Variants in SPEN observed in about 807,000 individuals in gnomAD.
SPEN encodes msx2-interacting protein.
Under a neutral mutation model 269.9 loss-of-function variants are expected in SPEN, and 18 were observed. That is an observed-to-expected ratio of 0.07 (90% CI 0.05 to 0.10). SPEN has a LOEUF of 0.10. SPEN is among the 10% of genes least tolerant of loss of function. SPEN has a pLI of 1.00. For missense variants in SPEN, 3,822 were observed against 4,631.2 expected (o/e 0.83, Z 5.07); for synonymous variants, 1,726 against 1,765.7 (o/e 0.98, Z 0.56).
chr1:15,890,937 C>G (rs1557745167), intron 3 of SPEN, among the ~76,000 whole-genome samples: 3 of 152,110 alleles, frequency 2.0e-5, no homozygotes, highest in African/African-American at 7.2e-5. Context: ...TAGCATTGAT[C>G]AGTACTGGTG....
Position 15,876,145 on chromosome 1 carries a change from G to A in SPEN, c.405-57G>A, listed in dbSNP as rs2070628268. Reference sequence around the variant, plus strand: ...GCTGAAGTGAATGTTTGCATGACTTGCTTTTAGTTTTGCTTGCTCCTTTCT... The same window carrying A: ...GCTGAAGTGAATGTTTGCATGACTTACTTTTAGTTTTGCTTGCTCCTTTCT... On this transcript the variant is annotated intron_variant, in intron 2 of 14. Coordinates refer to ENST00000375759, the MANE Select transcript of SPEN (RefSeq NM_015001.3). 2.9e-5 allele frequency: 39 copies of A among 1,345,048 alleles called. No homozygotes were observed. The South Asian group carries it at 4.7e-4, about 16-fold the overall frequency. 83.3% of individuals were successfully genotyped at this position (1,345,048 alleles called of 1,614,324 possible).
At position 15,859,903 on chromosome 1, in the gene SPEN, A is replaced by ATTTTTTTT. The variant is rs1557734352; in HGVS notation, c.83+11754_83+11755insTTTTTTTT. ...TAAGTATAAAGAATGATCAGTTAAC[A>ATTTTTTTT]TCTTTTTTTTTTTTTTTTTTTTTTT... On this transcript the variant is annotated intron_variant, in intron 1 of 14. Coordinates refer to ENST00000375759, the MANE Select transcript of SPEN (RefSeq NM_015001.3). Among the ~76,000 whole-genome samples the ATTTTTTTT allele has an allele frequency of 2.7e-4, 16 of 59,316 alleles. 1 individual carries two copies. The highest frequency in any genetic ancestry group is 4.8e-4 in the African/African-American group (6 of 12,488). The allele number at this position is 59,316 out of a possible 152,430, so 38.9% of individuals were successfully genotyped here.
At position 15,916,228 on chromosome 1, in the gene SPEN, C is replaced by A. The variant is rs147743285; in HGVS notation, c.1344C>A (p.Thr448=). The A allele has an allele frequency of 7.4e-6, 12 of 1,613,878 alleles. No individual in the cohort carries two copies. The South Asian group carries it at 1.3e-4, about 18-fold the overall frequency. Reference sequence around the variant, plus strand: ...TCTTTATTGGCAACCTTGAAAAAACCACTACTTACCATGACCTTCGCAACA... The same window carrying A: ...TCTTTATTGGCAACCTTGAAAAAACAACTACTTACCATGACCTTCGCAACA... The part of the protein sequence containing the change: ...RTLFIGNLEK[T]TTYHDLRNIF... Residue 448 remains threonine, a synonymous_variant, in exon 6 of 15, where the codon ACC becomes ACA. Coordinates refer to ENST00000375759, the MANE Select transcript of SPEN (RefSeq NM_015001.3).
intron 3 of SPEN, among the ~76,000 whole-genome samples, chr1:15,900,170 TA>T (rs1293118962): frequency 6.6e-6 from 1 of 152,198 alleles, no homozygotes; most frequent in Non-Finnish European, 1.5e-5. Flanking sequence ...TAAACGAAAT[TA>T]AAAATGTCTT....
rs1481024603 is a variant in SPEN, at chr1:15,935,602, G to A, written c.9362G>A (p.Arg3121Gln). Residue 3121 changes from arginine to glutamine, a missense_variant, in exon 11 of 15, where the codon CGG (arginine) becomes CAG (glutamine). This residue lies in a region of SPEN where 153 missense variants were observed against 228.5 expected (regional missense o/e 0.67). Transcript: ENST00000375759. The surrounding 1 kb of genome is among the most constrained non-coding windows in gnomAD (Gnocchi z 7.7). ...CGGCCAGAAGCGCTTCACTCTCCTC[G>A]GGCTCCGCTGCAGCCCCAGCAAATA... Reference protein sequence around the residue: ...SIRPEALHSPRAPLQPQQIEV... With the variant: ...SIRPEALHSPQAPLQPQQIEV... The A allele has an allele frequency of 2.5e-6, 4 of 1,614,058 alleles. No individual in the cohort carries two copies. Among genetic ancestry groups the A allele is most frequent in the Admixed American group, 3.3e-5 (2 of 60,020 alleles).
rs1221269029 is a variant in SPEN, at chr1:15,934,980, C to G, written c.8740C>G (p.Pro2914Ala). ...TAGGCCATCCTTGGAGAAGCCCGAGCCCATTCACCTCTCGGTGTCCACGCC... is the reference window on the plus strand; with the variant it reads ...TAGGCCATCCTTGGAGAAGCCCGAGGCCATTCACCTCTCGGTGTCCACGCC... The part of the protein sequence containing the change: ...ADRPSLEKPE[P>A]IHLSVSTPVT... Residue 2914 changes from proline to alanine, a missense_variant, in exon 11 of 15, where the codon CCC becomes GCC. Physicochemically the swap from Pro to Ala is conservative, Grantham distance 27. This residue lies in a region of SPEN where 329 missense variants were observed against 431.2 expected (regional missense o/e 0.76). Transcript: ENST00000375759. The surrounding 1 kb of genome is among the most constrained non-coding windows in gnomAD (Gnocchi z 9.2). The G allele has an allele frequency of 1.9e-6, 3 of 1,613,892 alleles. No homozygotes were observed. The African/African-American group carries it at 4.0e-5, about 22-fold the overall frequency.
rs578192099 is a variant in SPEN, at chr1:15,872,664, A to C, written c.84-152A>C. ...CGATACAGATATTTTCCCCAGAGAG[A>C]AAAACGTTAAGTGTAAAAGAGAGCC... On this transcript the variant is annotated intron_variant, in intron 1 of 14. Coordinates refer to ENST00000375759, the MANE Select transcript of SPEN (RefSeq NM_015001.3). 1.1e-4 allele frequency: 53 copies of C among 476,666 alleles called. No individual in the cohort carries two copies. The East Asian group carries it at 1.7e-3, about 15-fold the overall frequency. 29.5% of individuals were successfully genotyped at this position (476,666 alleles called of 1,614,324 possible).
chr1:15,874,479 AT>A, intron 2 of SPEN: 1 of 1,059,896 alleles, frequency 9.4e-7, no homozygotes, highest in Non-Finnish European at 1.3e-6. Flanking sequence ...CTCTAGAAGT[AT>A]TTAGTACTAA....
chr1:15,926,348 A>C (rs1476836601), intron 10 of SPEN, among the ~76,000 whole-genome samples: 6 of 152,010 alleles, frequency 3.9e-5, no homozygotes, highest in South Asian at 2.1e-4. Flanking sequence ...CAGTGAGCCG[A>C]GATTGTGCCA....
At position 15,937,753 on chromosome 1, in the gene SPEN, T is replaced by G. The variant is rs561139283; in HGVS notation, c.10510-59T>G. On this transcript the variant is annotated intron_variant, in intron 12 of 14. Coordinates refer to ENST00000375759, the MANE Select transcript of SPEN (RefSeq NM_015001.3). This position sits in a 1 kb window ranked among gnomAD's most constrained non-coding sequence, Gnocchi z 5.7. ...CCACAAGCTACAGCCTCTGGCTGTG[T>G]CCAGCATGGCTCAGCGAGGGGCCAT... 1.2e-6 allele frequency: 2 copies of G among 1,610,116 alleles called. No homozygotes were observed. The highest frequency in any genetic ancestry group is 2.7e-5 in the African/African-American group (2 of 74,728).
intron 10 of SPEN, among the ~76,000 whole-genome samples, chr1:15,924,201 C>T (rs1040896246): frequency 1.3e-5 from 2 of 152,120 alleles, no homozygotes; most frequent in African/African-American, 4.8e-5. Flanking sequence ...ATGTGTGTGT[C>T]TCATGTCAAG....
intron 8 of SPEN, among the ~76,000 whole-genome samples, chr1:15,920,173 G>A (rs529308319): frequency 8.8e-4 from 134 of 152,160 alleles, no homozygotes; most frequent in African/African-American, 3.1e-3. Context: ...AGGTTCAAGC[G>A]ATTCTCTAGC....
At chr1:15,858,252 C>CAA (rs34220792) in intron 1 of SPEN, among the ~76,000 whole-genome samples, 1,635 of 146,364 alleles carry the variant, frequency 0.011, 16 homozygotes, top group African/African-American at 0.02. Flanking sequence ...CTGGGCCCAG[C>CAA]AAAAAAAAAA....
intron 3 of SPEN, among the ~76,000 whole-genome samples, chr1:15,886,595 C>G (rs1013056092): frequency 1.3e-5 from 2 of 152,210 alleles, no homozygotes; most frequent in African/African-American, 4.8e-5. Flanking sequence ...GGTGAACGCC[C>G]GACTGCAAGC....
intron 3 of SPEN, among the ~76,000 whole-genome samples, chr1:15,906,727 G>A (rs967043578): frequency 1.5e-4 from 22 of 149,292 alleles, no homozygotes; most frequent in Non-Finnish European, 3.3e-4. Context: ...GCCTCCCAGA[G>A]TGCTGGGATT....
intron 1 of SPEN, among the ~76,000 whole-genome samples, chr1:15,855,455 CA>C (rs1221564097): frequency 6.6e-6 from 1 of 151,862 alleles, no homozygotes; most frequent in Admixed American, 6.6e-5. Context: ...CTTATGTACT[CA>C]AAAAACATTT....
intron 1 of SPEN, among the ~76,000 whole-genome samples, chr1:15,864,947 C>T (rs561183637): frequency 2.6e-5 from 4 of 151,454 alleles, no homozygotes; most frequent in South Asian, 2.1e-4. Context: ...ATCGTCCTCG[C>T]GCCTTGGCTT....
intron 3 of SPEN, among the ~76,000 whole-genome samples, chr1:15,896,408 C>G (rs2070842890): frequency 6.6e-6 from 1 of 151,860 alleles, no homozygotes; most frequent in South Asian, 2.1e-4. Context: ...ATTGGTCAGG[C>G]TGGTCTCAAA....
intron 1 of SPEN, among the ~76,000 whole-genome samples, chr1:15,865,372 C>T (rs1028242584): frequency 1.3e-5 from 2 of 150,264 alleles, no homozygotes; most frequent in Non-Finnish European, 1.5e-5. Flanking sequence ...GTTTTAATTA[C>T]CATTTGTGAG....
Sources: allele counts gnomAD v4.1 joint callset (sites outside exome capture counted in the v4.1 genomes callset), GRCh38; gene constraint gnomAD v4.1.1; regional missense constraint gnomAD v4.1.1; non-coding constraint Gnocchi (gnomAD v3.1); transcripts MANE v1.5; gene names NCBI Gene and HGNC (gene_info 2026-07-23, HGNC 2026-07-21).